Variants in TCIRG1 observed in about 807,000 individuals in gnomAD.
The protein encoded by TCIRG1 is T cell immune regulator 1, ATPase H+ transporting V0 subunit a3, also known as V-type proton ATPase 116 kDa subunit a 3.
TCIRG1 carries 86 observed loss-of-function variants against 95.5 expected under a neutral mutation model. The ratio of observed to expected loss-of-function variants is 0.90; its 90% CI spans 0.76 to 1.08. TCIRG1 has a LOEUF of 1.08. Ranked by LOEUF, TCIRG1 falls within the 50% of genes least tolerant of loss-of-function variation. The pLI is 0.00. For missense variants in TCIRG1, 1,069 were observed against 1,140.2 expected, an observed-to-expected ratio of 0.94 and a Z score of 0.90; for synonymous variants, 499 against 501.3, an observed-to-expected ratio of 1.00 and a Z score of 0.06.
chr11:68,047,635 C>T lies in TCIRG1; in HGVS notation c.1306-12C>T, dbSNP rs370405300. 195 of 1,613,096 alleles carry T rather than the reference C, an allele frequency of 1.2e-4. No homozygotes were observed. Among genetic ancestry groups the T allele is most frequent in the Non-Finnish European group, 1.5e-4 (174 of 1,180,008 alleles). ...GGCCAGGCAGCCCCTCACCACACCA[C>T]TGCCCCCCCAGATCTGGCAGACTTT... On this transcript the variant is annotated splice_polypyrimidine_tract_variant and intron_variant, in intron 11 of 19. Transcript: ENST00000265686.
rs1855209290 is a variant in TCIRG1, at chr11:68,042,354, G to T, written c.197-289G>T. ...CTTTTCAATGATCAGGCAGACACAGGACTCACGCCAGCTCCGGTCCCAAGC... is the reference window on the plus strand; with the variant it reads ...CTTTTCAATGATCAGGCAGACACAGTACTCACGCCAGCTCCGGTCCCAAGC... On this transcript the variant is annotated intron_variant, in intron 3 of 19. Coordinates refer to ENST00000265686, the MANE Select transcript of TCIRG1 (RefSeq NM_006019.4). Among the ~76,000 whole-genome samples, 3 of 152,214 alleles carry T rather than the reference G, an allele frequency of 2.0e-5. No individual in the cohort carries two copies. The South Asian group carries it at 6.2e-4, about 31-fold the overall frequency.
At chr11:68,050,378 G>A (rs1855741488) in intron 18 of TCIRG1, 109 bp from the exon 19 acceptor site, 3 of 1,604,676 alleles carry the variant, frequency 1.9e-6, no homozygotes, top group African/African-American at 1.3e-5. Flanking sequence ...TGTCCAAGGA[G>A]GTCCCTCGCT....
chr11:68,041,923 G>A, intron 3 of TCIRG1, 92 bp downstream of exon 3: 3 of 1,198,960 alleles, frequency 2.5e-6, no homozygotes, highest in Non-Finnish European at 3.6e-6. Flanking sequence ...GGTTTGCCAG[G>A]TGGAAGGCAG....
Position 68,050,256 on chromosome 11 carries a change from T to C in TCIRG1, c.2236+2T>C, listed in dbSNP as rs1395195941. 6.2e-7 allele frequency: 1 copy of C among 1,612,208 alleles called. No homozygotes were observed. On this transcript the variant is annotated splice_donor_variant, in intron 18 of 19. Coordinates refer to ENST00000265686, the MANE Select transcript of TCIRG1 (RefSeq NM_006019.4). LOFTEE classifies it high-confidence loss of function. The stretch of plus-strand genomic sequence containing the variant: ...GGGCCCTGAGCCTGGCCCACGCCCG[T>C]GAGTGACCTGGCCACCGACGGCTGG...
rs1240877342 is a variant in TCIRG1, at chr11:68,050,546, G to A, written c.2296G>A (p.Val766Met). 6.2e-7 allele frequency: 1 copy of A among 1,613,256 alleles called. No individual in the cohort carries two copies. The highest frequency in any genetic ancestry group is 1.7e-5 in the Admixed American group (1 of 60,022). The change falls in exon 19 of 20, where the codon GTG (valine) becomes ATG (methionine). Residue 766 changes from valine (V) to methionine (M), a missense_variant. Val to Met is a conservative substitution (Grantham distance 21). Transcript: ENST00000265686. ...CATAGGCCTGGGCCTGGGCCGGGAG[G>A]TGGGCGTGGCGGCTGTGGTGCTGGT... ...MRIGLGLGRE[V>M]GVAAVVLVPI...
At chr11:68,040,499 C>T (rs1411052423) in intron 1 of TCIRG1, among the ~76,000 whole-genome samples, 1 of 152,194 alleles carries the variant, frequency 6.6e-6, no homozygotes, top group Non-Finnish European at 1.5e-5. Flanking sequence ...GGGCCCTGAC[C>T]AGGCCTGTCC....
At chr11:68,044,032 C>T (rs1033214678) in intron 8 of TCIRG1, 100 bp from the exon 9 acceptor site, 1 of 1,316,588 alleles carries the variant, frequency 7.6e-7, no homozygotes, top group African/African-American at 1.5e-5. Flanking sequence ...GGTGGGTGCC[C>T]TGGCCTGGCC....
chr11:68,050,720 C>T (rs1268086455), intron 19 of TCIRG1, 21 bp from the exon 20 acceptor site: 17 of 1,613,772 alleles, frequency 1.1e-5, no homozygotes, highest in Non-Finnish European at 1.4e-5. Flanking sequence ...CCTCACCAAC[C>T]CCTCTGCTTC....
chr11:68,042,097 T>C (rs749598230), intron 3 of TCIRG1, among the ~76,000 whole-genome samples: 3 of 151,176 alleles, frequency 2.0e-5, no homozygotes, highest in Non-Finnish European at 2.9e-5. Context: ...GACTTCGTCC[T>C]GTGGGCGCCA....
chr11:68,041,454 A>T, intron 2 of TCIRG1, 66 bp downstream of exon 2: 1 of 1,192,252 alleles, frequency 8.4e-7, no homozygotes, highest in Non-Finnish European at 1.2e-6. Flanking sequence ...CCGGTCCAGG[A>T]TGGGGACTGC....
chr11:68,050,812 A>T lies in TCIRG1; in HGVS notation c.2486A>T (p.Asp829Val). ...AGTCCCTTCACCTTCGCTGCCACAG[A>T]TGACTAGGGCCCACTGCAGGTCCTG... The part of the protein sequence containing the change: ...KLSPFTFAAT[D>V]D The change falls in exon 20 of 20, where the codon GAT (aspartate) becomes GTT (valine). Residue 829 changes from aspartate (D) to valine (V), a missense_variant. Transcript: ENST00000265686. 2.5e-6 allele frequency: 4 copies of T among 1,613,402 alleles called. No homozygotes were observed. Among genetic ancestry groups the T allele is most frequent in the Non-Finnish European group, 3.4e-6 (4 of 1,180,002 alleles).
Position 68,043,632 on chromosome 11 carries a change from A to G in TCIRG1, c.692A>G (p.Lys231Arg). The change falls in exon 7 of 20, where the codon AAG becomes AGG. Residue 231 changes from lysine (K) to arginine (R), a missense_variant. Physicochemically the swap from Lys to Arg is conservative, Grantham distance 26. Coordinates refer to ENST00000265686, the MANE Select transcript of TCIRG1 (RefSeq NM_006019.4). ...ISYWGEQIGQ[K>R]IRKITDCFHC... The stretch of plus-strand genomic sequence containing the variant: ...TACTGGGGTGAGCAGATCGGACAGA[A>G]GATCCGCAAGATCACGGACTGGTGA... The G allele has an allele frequency of 6.2e-7, 1 of 1,610,326 alleles. No individual in the cohort carries two copies. Among genetic ancestry groups the G allele is most frequent in the East Asian group, 2.2e-5 (1 of 44,786 alleles).
downstream of TCIRG1, chr11:68,050,921 T>C: frequency 7.5e-7 from 1 of 1,333,938 alleles, no homozygotes; most frequent in South Asian, 1.2e-5. Context: ...TCTTCCCTCC[T>C]TTTTAGCTGA....
intron 18 of TCIRG1, 106 bp downstream of exon 18, chr11:68,050,360 A>G: frequency 6.2e-7 from 1 of 1,601,186 alleles, no homozygotes; most frequent in Non-Finnish European, 8.5e-7. Context: ...CCCTCTGTAA[A>G]GTGGGACTGT....
At position 68,047,260 on chromosome 11, in the gene TCIRG1, C is replaced by T. The variant is rs1037952339; in HGVS notation, c.1166-173C>T. Among the ~76,000 whole-genome samples the T allele has an allele frequency of 6.7e-5, 7 of 104,462 alleles. 2 individuals carry two copies. The highest frequency in any genetic ancestry group is 6.9e-4 in the South Asian group (2 of 2,890). 68.5% of individuals were successfully genotyped at this position (104,462 alleles called of 152,430 possible). ...TCCTGACCTCGGGTGATGCCCCCCC[C>T]CCCCCCCGTCTCGGCCTCCCAGAGT... On this transcript the variant is annotated intron_variant, in intron 10 of 19. Transcript: ENST00000265686.
intron 2 of TCIRG1, 41 bp from the exon 3 acceptor site, chr11:68,041,712 C>A: frequency 1.3e-6 from 2 of 1,550,578 alleles, no homozygotes; most frequent in Non-Finnish European, 1.8e-6. Context: ...GCTCCCTGAC[C>A]CCCTTCCCGG....
Position 68,049,731 on chromosome 11 carries a change from C to T in TCIRG1, c.1956C>T (p.Pro652=), listed in dbSNP as rs756656296. ...TGCCCATCCTGCTGCTTGGCACACC[C>T]CTGCACCTGCTGCACCGCCACCGCC... ...AMVPILLLGT[P]LHLLHRHRRR... Residue 652 remains proline (P), a synonymous_variant, in exon 16 of 20, where the codon CCC becomes CCT. Transcript: ENST00000265686. 1 of 1,586,824 alleles carries T rather than the reference C, an allele frequency of 6.3e-7. No individual in the cohort carries two copies. The highest frequency in any genetic ancestry group is 8.5e-7 in the Non-Finnish European group (1 of 1,172,214).
At chr11:68,053,657 GC>G (rs1161583946), downstream of TCIRG1, 7 of 285,000 alleles carry the variant, frequency 2.5e-5, no homozygotes, top group African/African-American at 4.4e-5. Context: ...AAGTAACACT[GC>G]TTACTCTTGC....
chr11:68,050,862 G>A lies in TCIRG1; in HGVS notation c.*43G>A, dbSNP rs1311420833. ...GCCAGACCTCCTTCCTGACCTCTGA[G>A]GCAGGAGAGGAATAAAGACGGTCCG... On this transcript the variant is annotated 3_prime_UTR_variant, in exon 20 of 20. Transcript: ENST00000265686. 5.0e-6 allele frequency: 8 copies of A among 1,600,522 alleles called. No homozygotes were observed. The South Asian group carries it at 8.8e-5, about 18-fold the overall frequency.
Sources: gnomAD v4.1 joint callset for allele counts (sites outside exome capture counted in the v4.1 genomes callset) on GRCh38, gnomAD v4.1.1 for gene constraint, MANE v1.5 for transcripts, NCBI Gene and HGNC (gene_info 2026-07-23, HGNC 2026-07-21) for gene names.